SLK: variants seen among roughly 807,000 people sequenced by gnomAD.
SLK encodes STE20 like kinase, also known as STE20-like serine/threonine-protein kinase.
Under a neutral mutation model 147.7 loss-of-function variants are expected in SLK, and 67 were observed. That is an observed-to-expected ratio of 0.45 (90% CI 0.37 to 0.56). The LOEUF (loss-of-function observed/expected upper bound fraction) is 0.56, where lower values mean the gene tolerates loss of function less well. SLK is among the 20% of genes least tolerant of loss of function. The pLI is 0.00. For synonymous variants in SLK, 441 were observed against 475.0 expected (o/e 0.93, Z 0.93); for missense variants, 1,136 against 1,438.8 (o/e 0.79, Z 3.41).
chr10:103,993,769 A>T (rs1335102176), intron 4 of SLK, among the ~76,000 whole-genome samples: 4 of 152,240 alleles, frequency 2.6e-5, no homozygotes, highest in African/African-American at 9.6e-5. Context: ...GATGAAGTCC[A>T]AATTTGTATA....
Position 104,001,441 on chromosome 10 carries a change from C to CAA in SLK, c.865-2_865-1insAA. The CAA allele has an allele frequency of 6.2e-7, 1 of 1,612,800 alleles. No homozygotes were observed. The highest frequency in any genetic ancestry group is 8.5e-7 in the Non-Finnish European group (1 of 1,178,996). ...TGAGTATGTTCTTTTTAATGATCAA[C>CAA]AGCATCCCTTTGTTACTGTTGATTC... On this transcript the variant is annotated splice_polypyrimidine_tract_variant and splice_region_variant and intron_variant, in intron 7 of 18. Coordinates refer to ENST00000369755, the MANE Select transcript of SLK (RefSeq NM_014720.4).
chr10:103,986,648 A>G (rs1478739603), intron 1 of SLK, among the ~76,000 whole-genome samples: 1 of 138,396 alleles, frequency 7.2e-6, no homozygotes, highest in Non-Finnish European at 1.6e-5. Context: ...TAGTTATTTC[A>G]TTAAGCCTTT....
intron 3 of SLK, 110 bp from the exon 4 acceptor site, chr10:103,992,874 T>C: frequency 1.3e-6 from 1 of 762,836 alleles, no homozygotes; most frequent in South Asian, 1.8e-5. Context: ...TAAAATAAAT[T>C]CCCTGCATAT....
intron 3 of SLK, 43 bp from the exon 4 acceptor site, chr10:103,992,941 A>G (rs1265425757): frequency 1.4e-6 from 2 of 1,463,686 alleles, no homozygotes; most frequent in Admixed American, 3.6e-5. Context: ...ATATGTTTTC[A>G]CTGTATAAAA....
intron 17 of SLK, among the ~76,000 whole-genome samples, chr10:104,021,042 T>G (rs1447008696): frequency 6.6e-6 from 1 of 152,020 alleles, no homozygotes; most frequent in African/African-American, 2.4e-5. Flanking sequence ...AGTGATAAGT[T>G]AAATATATGG....
chr10:103,992,790 G>A, intron 3 of SLK, 144 bp downstream of exon 3: 1 of 207,884 alleles, frequency 4.8e-6, no homozygotes, highest in Non-Finnish European at 7.9e-6. Context: ...TTATATTCTT[G>A]GATAATTATA....
At chr10:103,992,758 G>C in intron 3 of SLK, 112 bp downstream of exon 3, 1 of 209,484 alleles carries the variant, frequency 4.8e-6, no homozygotes, top group Non-Finnish European at 7.8e-6. Flanking sequence ...GTAAAGTTCA[G>C]TAAGTTAACT....
At chr10:104,013,692 C>T (rs1844427088) in intron 13 of SLK, among the ~76,000 whole-genome samples, 2 of 152,204 alleles carry the variant, frequency 1.3e-5, no homozygotes, top group East Asian at 3.8e-4. Context: ...CTTCAACGCC[C>T]AAATGCAGGA....
At chr10:103,987,659 T>C in intron 1 of SLK, among the ~76,000 whole-genome samples, 1 of 152,362 alleles carries the variant, frequency 6.6e-6, no homozygotes, top group South Asian at 2.1e-4. Flanking sequence ...ATATACATCA[T>C]AGTGAAATGT....
chr10:103,975,028 G>A lies in SLK; in HGVS notation c.150+7133G>A, dbSNP rs185508133. ...TTTCCTTCCACCTCTGTGTCTGTTC[G>A]TCACACTCCTTTGCTGGTTCTTCCT... On this transcript the variant is annotated intron_variant, in intron 1 of 18. Coordinates refer to ENST00000369755, the MANE Select transcript of SLK (RefSeq NM_014720.4). Among the ~76,000 whole-genome samples, 522 of 151,220 alleles carry A rather than the reference G, an allele frequency of 3.5e-3. 1 individual carries two copies. The highest frequency in any genetic ancestry group is 5.0e-3 in the Non-Finnish European group (341 of 67,858).
Position 103,992,654 on chromosome 10 carries a change from C to A in SLK, c.364+8C>A. 1 of 1,580,212 alleles carries A rather than the reference C, an allele frequency of 6.3e-7. No individual in the cohort carries two copies. The highest frequency in any genetic ancestry group is 8.6e-7 in the Non-Finnish European group (1 of 1,159,334). ...TAGATGCTGTGATGCTTGGTAAATA[C>A]CTTTTTGTTCTTTCTGTTCATATCT... is the stretch of plus-strand genomic sequence containing the variant. On this transcript the variant is annotated splice_region_variant and intron_variant, in intron 3 of 18. Transcript: ENST00000369755.
chr10:103,973,953 G>A (rs1243419149), intron 1 of SLK, among the ~76,000 whole-genome samples: 1 of 152,154 alleles, frequency 6.6e-6, no homozygotes, highest in Admixed American at 6.5e-5. Context: ...TCTTTTGGCT[G>A]CAAGAGTTGC....
intron 18 of SLK, among the ~76,000 whole-genome samples, chr10:104,024,147 A>G (rs1416116873): frequency 6.6e-6 from 1 of 152,134 alleles, no homozygotes; most frequent in Non-Finnish European, 1.5e-5. Context: ...CACACCCTAC[A>G]TTCAATCAGG....
Position 104,008,260 on chromosome 10 carries a change from C to T in SLK, c.2688C>T (p.His896=), listed in dbSNP as rs376977945. ...CTATCGAACGCCTGGAACAAGAGCACACAAATCGCTTGCGAGATGAAGCCA... is the reference window on the plus strand; with the variant it reads ...CTATCGAACGCCTGGAACAAGAGCATACAAATCGCTTGCGAGATGAAGCCA... The part of the protein sequence containing the change: ...KQTIERLEQE[H]TNRLRDEAKR... Residue 896 remains histidine (H), a synonymous_variant, in exon 12 of 19, where the codon CAC becomes CAT. Transcript: ENST00000369755. 6.2e-6 allele frequency: 10 copies of T among 1,613,716 alleles called. No individual in the cohort carries two copies. Among genetic ancestry groups the T allele is most frequent in the Non-Finnish European group, 7.6e-6 (9 of 1,179,892 alleles).
At chr10:103,972,278 C>A (rs1843802360) in intron 1 of SLK, among the ~76,000 whole-genome samples, 1 of 152,152 alleles carries the variant, frequency 6.6e-6, no homozygotes, top group South Asian at 2.1e-4. Flanking sequence ...AAGAGTTAAT[C>A]CAGGAATGGA....
In SLK at chr10:104,011,864, G is replaced by A. The variant is rs532397253; in HGVS notation, c.2877+956G>A. ...CGTGAGCCACCACCACCGGCTTGGT[G>A]AATTCTTTACGAAGTGAGATAAATT... is the stretch of plus-strand genomic sequence containing the variant. On this transcript the variant is annotated intron_variant, in intron 13 of 18. Transcript: ENST00000369755. Among the ~76,000 whole-genome samples the A allele has an allele frequency of 2.6e-5, 4 of 152,266 alleles. No homozygotes were observed. In the South Asian group the frequency reaches 6.2e-4, roughly 24 times the overall value.
rs1326409434 is a variant in SLK, at chr10:104,006,116, A to AAATC, written c.2604+82_2604+83insATCA. 254 of 1,396,032 alleles carry AAATC rather than the reference A, an allele frequency of 1.8e-4. No homozygotes were observed. The African/African-American group carries it at 3.2e-3, about 18-fold the overall frequency. 86.5% of individuals were successfully genotyped at this position (1,396,032 alleles called of 1,614,324 possible). A position where few individuals can be genotyped will look rare whatever the true frequency, so the allele number is the denominator to read the frequency against. ...CTGCATTAAAAACAGACAAACAAAAAAGGTTGTAGAACTTGTTCTCTGATT... is the reference window on the plus strand; with the variant it reads ...CTGCATTAAAAACAGACAAACAAAAAAATCAGGTTGTAGAACTTGTTCTCTGATT... On this transcript the variant is annotated intron_variant, in intron 11 of 18. Transcript: ENST00000369755.
chr10:103,990,720 G>A lies in SLK; in HGVS notation c.196G>A (p.Asp66Asn), dbSNP rs1053989234. ...TGTTTTAGCTGCTGCAAAAGTGATT[G>A]ACACTAAATCTGAAGAAGAACTTGA... ...TSVLAAAKVI[D>N]TKSEEELEDY... Residue 66 changes from aspartate to asparagine, a missense_variant, in exon 2 of 19, where the codon GAC (aspartate) becomes AAC (asparagine). By Grantham distance (23) the Asp-to-Asn change is conservative. Transcript: ENST00000369755. The A allele has an allele frequency of 1.3e-6, 2 of 1,571,016 alleles. No individual in the cohort carries two copies. Among genetic ancestry groups the A allele is most frequent in the African/African-American group, 2.8e-5 (2 of 72,330 alleles).
chr10:103,997,255 C>T (rs1844187568), intron 4 of SLK, among the ~76,000 whole-genome samples: 1 of 152,188 alleles, frequency 6.6e-6, no homozygotes. Context: ...TATTTCAAGT[C>T]TTCCCCTTTT....
Sources: gnomAD v4.1 joint callset for allele counts (sites outside exome capture counted in the v4.1 genomes callset) on GRCh38, gnomAD v4.1.1 for gene constraint, MANE v1.5 for transcripts, NCBI Gene and HGNC (gene_info 2026-07-23, HGNC 2026-07-21) for gene names.